The following UBA6 variants were observed in gnomAD, a reference collection of about 807,000 sequenced individuals.
UBA6 encodes ubiquitin-like modifier-activating enzyme 6.
A neutral mutation model predicts 148.3 loss-of-function variants in UBA6; 87 were observed. The observed-to-expected ratio is 0.59, with a 90% CI of 0.49 to 0.70. The LOEUF (loss-of-function observed/expected upper bound fraction) is 0.70. UBA6 is among the 30% of genes least tolerant of loss of function. The pLI is 0.00. For synonymous variants in UBA6, 376 were observed against 401.0 expected, an observed-to-expected ratio of 0.94 and a Z score of 0.75; for missense variants, 1,186 against 1,241.2, an observed-to-expected ratio of 0.96 and a Z score of 0.67.
At chr4:67,692,660 C>T (rs952117442) in intron 2 of UBA6, among the ~76,000 whole-genome samples, 1 of 152,038 alleles carries the variant, frequency 6.6e-6, no homozygotes, top group Non-Finnish European at 1.5e-5. Flanking sequence ...ACCTGGCCAC[C>T]CAGAACCCCA....
chr4:67,638,904 A>T, intron 19 of UBA6, 39 bp downstream of exon 19: 2 of 1,476,938 alleles, frequency 1.4e-6, no homozygotes, highest in Non-Finnish European at 1.9e-6. Context: ...AGTGAAAACT[A>T]AAGACAATTC....
At position 67,670,556 on chromosome 4, in the gene UBA6, A is replaced by T; in HGVS notation, c.583T>A (p.Leu195Ile). The change falls in exon 8 of 33, where the codon TTA (leucine) becomes ATA (isoleucine). Residue 195 changes from leucine to isoleucine, a missense_variant. Transcript: ENST00000322244. ...SADVHGIWSR[L>I]FCDFGDEFEV... ...AATTCATCACCGAAATCACAAAATAACCTTGACCAAATTCCATGTACATCT... is the reference window on the plus strand; with the variant it reads ...AATTCATCACCGAAATCACAAAATATCCTTGACCAAATTCCATGTACATCT... The T allele has an allele frequency of 6.2e-7, 1 of 1,611,704 alleles. No individual in the cohort carries two copies. Among genetic ancestry groups the T allele is most frequent in the Non-Finnish European group, 8.5e-7 (1 of 1,177,980 alleles).
At chr4:67,661,137 G>C (rs963357818) in intron 13 of UBA6, among the ~76,000 whole-genome samples, 1 of 152,160 alleles carries the variant, frequency 6.6e-6, no homozygotes, top group Non-Finnish European at 1.5e-5. Flanking sequence ...GCCTTGCTCA[G>C]ATAAGACTTT....
chr4:67,625,302 AC>A, intron 28 of UBA6, 115 bp from the exon 29 acceptor site: 1 of 789,816 alleles, frequency 1.3e-6, no homozygotes, highest in Non-Finnish European at 1.8e-6. Flanking sequence ...TTTTTTAATG[AC>A]TGAGAAACAT....
chr4:67,643,970 A>C (rs1203367550), intron 17 of UBA6, among the ~76,000 whole-genome samples: 1 of 152,130 alleles, frequency 6.6e-6, no homozygotes, highest in Non-Finnish European at 1.5e-5. Context: ...ATAAACATAG[A>C]ACATCTGCCT....
At chr4:67,626,251 GTCA>G in intron 28 of UBA6, 106 bp downstream of exon 28, 2 of 694,660 alleles carry the variant, frequency 2.9e-6, no homozygotes, top group South Asian at 1.6e-5. Context: ...AATCAATATT[GTCA>G]TCATTATTAT....
chr4:67,681,649 C>A, intron 3 of UBA6, 58 bp from the exon 4 acceptor site: 1 of 1,161,806 alleles, frequency 8.6e-7, no homozygotes, highest in South Asian at 1.5e-5. Context: ...CTAGATATGT[C>A]TTCACAGAGC....
In UBA6 at chr4:67,651,814, A is replaced by T. The variant is rs542165260; in HGVS notation, c.1105-2603T>A. On this transcript the variant is annotated intron_variant, in intron 13 of 32. Coordinates refer to ENST00000322244, the MANE Select transcript of UBA6 (RefSeq NM_018227.6). Reference sequence around the variant, plus strand: ...TGGTTAAAAAAAACTGTTGACAAAAATGCCATGACATTTCAATAAAGAATA... The same window carrying T: ...TGGTTAAAAAAAACTGTTGACAAAATTGCCATGACATTTCAATAAAGAATA... Among the ~76,000 whole-genome samples, 2 of 152,320 alleles carry T rather than the reference A, an allele frequency of 1.3e-5. 1 individual carries two copies. The highest frequency in any genetic ancestry group is 3.9e-4 in the East Asian group (2 of 5,180).
At chr4:67,686,194 G>A (rs1730554208) in intron 2 of UBA6, among the ~76,000 whole-genome samples, 1 of 152,130 alleles carries the variant, frequency 6.6e-6, no homozygotes, top group Non-Finnish European at 1.5e-5. Context: ...TTACCCACTA[G>A]TCTTAGTTTT....
At chr4:67,634,770 T>G (rs565457525) in intron 20 of UBA6, among the ~76,000 whole-genome samples, 2 of 152,086 alleles carry the variant, frequency 1.3e-5, no homozygotes, top group Non-Finnish European at 2.9e-5. Flanking sequence ...TAAAGCACCA[T>G]GTAGTACTCA....
chr4:67,670,928 T>G (rs1167877389), intron 7 of UBA6, among the ~76,000 whole-genome samples: 1 of 152,196 alleles, frequency 6.6e-6, no homozygotes, highest in African/African-American at 2.4e-5. Flanking sequence ...AACTCTGGCT[T>G]AATAGTCCAG....
At chr4:67,678,306 A>G (rs1332812273) in intron 5 of UBA6, 133 bp downstream of exon 5, 3 of 442,852 alleles carry the variant, frequency 6.8e-6, no homozygotes, top group African/African-American at 4.1e-5. Flanking sequence ...TAATACATAA[A>G]AATATCTTTA....
chr4:67,693,351 A>C (rs1730743940), intron 2 of UBA6, among the ~76,000 whole-genome samples: 1 of 151,384 alleles, frequency 6.6e-6, no homozygotes, highest in South Asian at 2.1e-4. Flanking sequence ...TATATACAGT[A>C]TATAATACAT....
At chr4:67,634,622 A>T (rs1729092245) in intron 20 of UBA6, 104 bp from the exon 21 acceptor site, 1 of 702,248 alleles carries the variant, frequency 1.4e-6, no homozygotes, top group Non-Finnish European at 2.2e-6. Context: ...ATCCAAAAAT[A>T]AATAAAATCC....
rs540423798 is a variant in UBA6, at chr4:67,678,056, AATAT to A, written c.354-338_354-335del. Among the ~76,000 whole-genome samples the A allele has an allele frequency of 4.2e-3, 613 of 145,972 alleles. 3 individuals are homozygous for A. Among genetic ancestry groups the A allele is most frequent in the African/African-American group, 0.014 (561 of 40,430 alleles). ...GAAATACATTTCTAGGTAGCAGTGTAATATATATATATCTTTTATATATATAATA... is the reference window on the plus strand; with the variant it reads ...GAAATACATTTCTAGGTAGCAGTGTAATATATATCTTTTATATATATAATA... On this transcript the variant is annotated intron_variant, in intron 5 of 32. Coordinates refer to ENST00000322244, the MANE Select transcript of UBA6 (RefSeq NM_018227.6).
intron 13 of UBA6, chr4:67,661,900 A>G: frequency 2.4e-6 from 1 of 409,550 alleles, no homozygotes. Context: ...CAGAATAATA[A>G]AGAATAATAG....
In UBA6 at chr4:67,631,700, ATACT is replaced by A; in HGVS notation, c.2258+4_2258+7del. The A allele has an allele frequency of 6.3e-7, 1 of 1,593,454 alleles. No homozygotes were observed. The highest frequency in any genetic ancestry group is 8.6e-7 in the Non-Finnish European group (1 of 1,167,154). ...GAAGGATACATAAAACTAAATATAA[ATACT>A]TACAAAGGCTCATTTAAATCAAATT... is the stretch of plus-strand genomic sequence containing the variant. On this transcript the variant is annotated splice_donor_5th_base_variant and intron_variant, in intron 25 of 32. Transcript: ENST00000322244.
chr4:67,690,818 T>A (rs1281338176), intron 2 of UBA6, among the ~76,000 whole-genome samples: 1 of 152,132 alleles, frequency 6.6e-6, no homozygotes, highest in Non-Finnish European at 1.5e-5. Flanking sequence ...GGCAACAATG[T>A]GGAGAAATTG....
chr4:67,641,772 C>G (rs570099974), intron 17 of UBA6, among the ~76,000 whole-genome samples: 52 of 151,974 alleles, frequency 3.4e-4, no homozygotes, highest in African/African-American at 1.2e-3. Context: ...TTTCATGATC[C>G]TAGGGGCAGA....
Sources: gnomAD v4.1 joint callset for allele counts (sites outside exome capture counted in the v4.1 genomes callset) on GRCh38, gnomAD v4.1.1 for gene constraint, MANE v1.5 for transcripts, NCBI Gene and HGNC (gene_info 2026-07-23, HGNC 2026-07-21) for gene names.